The following RAP1GAP2 variants were observed in gnomAD, a reference collection of about 807,000 sequenced individuals.
RAP1GAP2 encodes rap1 GTPase-activating protein 2.
A neutral mutation model predicts 95.0 loss-of-function variants in RAP1GAP2; 27 were observed. The observed-to-expected ratio is 0.28, with a 90% CI of 0.21 to 0.39. RAP1GAP2 has a LOEUF of 0.39. Ranked by LOEUF, RAP1GAP2 falls within the 10% of genes least tolerant of loss-of-function variation. RAP1GAP2 has a pLI of 1.00. For synonymous variants in RAP1GAP2, 373 were observed against 380.9 expected, an observed-to-expected ratio of 0.98 and a Z score of 0.24; for missense variants, 771 against 970.0, an observed-to-expected ratio of 0.79 and a Z score of 2.72.
intron 3 of RAP1GAP2, among the ~76,000 whole-genome samples, chr17:2,934,420 C>G (rs1249890075): frequency 6.6e-6 from 1 of 152,252 alleles, no homozygotes; most frequent in Admixed American, 6.5e-5. Context: ...GCGTGAGCCA[C>G]CGCACCCGGC....
Position 2,995,005 on chromosome 17 carries a change from G to C in RAP1GAP2, c.915-332G>C. Among the ~76,000 whole-genome samples the C allele has an allele frequency of 1.3e-5, 2 of 152,186 alleles. 1 individual carries two copies. The highest frequency in any genetic ancestry group is 3.9e-4 in the East Asian group (2 of 5,190). ...ACTTTTGTATTTTTAGTAGAGACGG[G>C]GGTTTCACCATGTTGGCCAGGCTGG... is the stretch of plus-strand genomic sequence containing the variant. On this transcript the variant is annotated intron_variant, in intron 12 of 24. Coordinates refer to ENST00000254695, the MANE Select transcript of RAP1GAP2 (RefSeq NM_015085.5).
Position 2,867,816 on chromosome 17 carries a change from A to G in RAP1GAP2, c.81-37468A>G, listed in dbSNP as rs1265953450. Among the ~76,000 whole-genome samples, 1 of 152,104 alleles carries G rather than the reference A, an allele frequency of 6.6e-6. No individual in the cohort carries two copies. Among genetic ancestry groups the G allele is most frequent in the Non-Finnish European group, 1.5e-5 (1 of 68,020 alleles). ...TGGCTTAGTTGATGCTGATCTTGGC[A>G]CGGTCTTGTCAACTTGGCTGGTGGC... On this transcript the variant is annotated intron_variant, in intron 2 of 24. Transcript: ENST00000254695. The surrounding 1 kb of genome is among the most constrained non-coding windows in gnomAD (Gnocchi z 4.5).
rs373057122 is a variant in RAP1GAP2 at position 2,788,049 on chromosome 17, T to C, written c.-14+10771T>C. ...TGAATTTGCTATTATAATGATATGA[T>C]TAACATCTGTATACATAGATCTTGT... is the stretch of plus-strand genomic sequence containing the variant. On this transcript the variant is annotated intron_variant, in intron 1 of 24. Coordinates refer to the RAP1GAP2 transcript ENST00000540393. Among the ~76,000 whole-genome samples, 6 of 152,224 alleles carry C rather than the reference T, an allele frequency of 3.9e-5. No homozygotes were observed. The East Asian group carries it at 7.7e-4, about 20-fold the overall frequency.
intron 2 of RAP1GAP2, among the ~76,000 whole-genome samples, chr17:2,814,919 TGAG>T (rs1221516007): frequency 6.6e-6 from 1 of 152,004 alleles, no homozygotes; most frequent in African/African-American, 2.4e-5. Flanking sequence ...CCCGTGGAAT[TGAG>T]GAGCTTTGTT....
chr17:2,954,839 G>A (rs1208716837), intron 3 of RAP1GAP2, among the ~76,000 whole-genome samples: 2 of 152,012 alleles, frequency 1.3e-5, no homozygotes, highest in Admixed American at 6.6e-5. Context: ...TGATCCGCCT[G>A]CCTCAGCCTC....
rs146451679 is a variant in RAP1GAP2, at chr17:2,962,802, GGTCTTCT to G, written c.246+93_246+99del. On this transcript the variant is annotated intron_variant, in intron 5 of 24. Transcript: ENST00000254695. ...GCAGGAGGGGCTGCCGGGATGCTGG[GGTCTTCT>G]GTCTCACACCTGTCTAACTCTGACT... 2.7e-5 allele frequency: 34 copies of G among 1,279,382 alleles called. No individual in the cohort carries two copies. The African/African-American group carries it at 5.4e-4, about 20-fold the overall frequency. The allele number at this position is 1,279,382 out of a possible 1,614,324, so 79.3% of individuals were successfully genotyped here. A position where few individuals can be genotyped will look rare whatever the true frequency, so the allele number is the denominator to read the frequency against.
intron 3 of RAP1GAP2, among the ~76,000 whole-genome samples, chr17:2,944,200 A>T (rs1355272078): frequency 6.6e-6 from 1 of 151,918 alleles, no homozygotes; most frequent in African/African-American, 2.4e-5. Flanking sequence ...CACAAAAGAT[A>T]ACAAGCATTG....
intron 2 of RAP1GAP2, among the ~76,000 whole-genome samples, chr17:2,893,806 T>A (rs2073799097): frequency 6.6e-6 from 1 of 152,132 alleles, no homozygotes; most frequent in Non-Finnish European, 1.5e-5. Flanking sequence ...CGGAGTGCGT[T>A]TGAAGGGCTG....
chr17:2,912,249 T>C (rs1228100111), intron 3 of RAP1GAP2, among the ~76,000 whole-genome samples: 1 of 152,134 alleles, frequency 6.6e-6, no homozygotes, highest in Non-Finnish European at 1.5e-5. Context: ...GGGCCTCCCT[T>C]TCTGGCTCAT....
In RAP1GAP2 at chr17:2,866,621, G is replaced by A. The variant is rs1295356589; in HGVS notation, c.81-38663G>A. On this transcript the variant is annotated intron_variant, in intron 2 of 24. Coordinates refer to ENST00000254695, the MANE Select transcript of RAP1GAP2 (RefSeq NM_015085.5). The surrounding 1 kb of genome is among the most constrained non-coding windows in gnomAD (Gnocchi z 4.0). ...TTTATTTTATTTTATTATTTTTTGA[G>A]GCAGCATCTCCCTCTGTCGCCAGGC... 1.3e-5 allele frequency among the ~76,000 whole-genome samples: 2 copies of A among 151,988 alleles called. No individual in the cohort carries two copies. The highest frequency in any genetic ancestry group is 2.4e-5 in the African/African-American group (1 of 41,382).
At chr17:2,849,102 C>A (rs948277310) in intron 2 of RAP1GAP2, among the ~76,000 whole-genome samples, 1 of 152,178 alleles carries the variant, frequency 6.6e-6, no homozygotes, top group African/African-American at 2.4e-5. Context: ...CAGAAGAGAG[C>A]GGGGGTGCTG....
intron 10 of RAP1GAP2, among the ~76,000 whole-genome samples, chr17:2,983,878 C>G (rs2045462666): frequency 6.6e-6 from 1 of 152,208 alleles, no homozygotes; most frequent in Non-Finnish European, 1.5e-5. Flanking sequence ...TGGTTCAGCT[C>G]TGATATTTCT....
chr17:2,957,249 G>A (rs966389011), intron 3 of RAP1GAP2, among the ~76,000 whole-genome samples: 5 of 152,122 alleles, frequency 3.3e-5, no homozygotes, highest in Non-Finnish European at 5.9e-5. Context: ...GCAGGGGACC[G>A]GGCAGGCAGA....
Position 2,820,891 on chromosome 17 carries a change from G to GTTTTTTTTTTTTTTTTTTTTTTTTTTTT in RAP1GAP2, c.80+20341_80+20342insTTTTTTTTTTTTTTTTTTTTTTTTTTTT, listed in dbSNP as rs1475267891. 3.6e-4 allele frequency among the ~76,000 whole-genome samples: 41 copies of GTTTTTTTTTTTTTTTTTTTTTTTTTTTT among 113,998 alleles called. 4 individuals carry two copies. The highest frequency in any genetic ancestry group is 1.0e-3 in the Admixed American group (10 of 9,798). 74.8% of individuals were successfully genotyped at this position (113,998 alleles called of 152,430 possible). Reference sequence around the variant, plus strand: ...TGCCCGCCACCACGGCCCGGATAATGGTTTTTTTTTTTTTTTTTGTATTTT... The same window carrying GTTTTTTTTTTTTTTTTTTTTTTTTTTTT: ...TGCCCGCCACCACGGCCCGGATAATGTTTTTTTTTTTTTTTTTTTTTTTTTTTTGTTTTTTTTTTTTTTTTTGTATTTT... On this transcript the variant is annotated intron_variant, in intron 2 of 24. Transcript: ENST00000254695.
At chr17:2,986,947 G>A (rs1015576093) in intron 11 of RAP1GAP2, among the ~76,000 whole-genome samples, 7 of 152,180 alleles carry the variant, frequency 4.6e-5, no homozygotes, top group South Asian at 2.1e-4. Context: ...GAGTTGTGAC[G>A]CCTTCATGGC....
chr17:2,885,435 A>C (rs986404916), intron 2 of RAP1GAP2, among the ~76,000 whole-genome samples: 1 of 152,206 alleles, frequency 6.6e-6, no homozygotes, highest in Non-Finnish European at 1.5e-5. Flanking sequence ...CATCCAGCAC[A>C]TAGTCCCTGC....
Position 2,796,811 on chromosome 17 carries a change from G to T in RAP1GAP2, c.44+240G>T, listed in dbSNP as rs178566. 0.25 allele frequency among the ~76,000 whole-genome samples: 37,807 copies of T among 151,962 alleles called. 5,455 individuals are homozygous for T. Among genetic ancestry groups the T allele is most frequent in the Non-Finnish European group, 0.33 (22,155 of 67,908 alleles). On this transcript the variant is annotated intron_variant, in intron 1 of 24. Transcript: ENST00000254695. This position sits in a 1 kb window ranked among gnomAD's most constrained non-coding sequence, Gnocchi z 4.7. ...TCCTGGAGGTCTGCGCCGGCTGCCCGTGGGGAGGTGGATAGCATGAGTGTG... is the reference window on the plus strand; with the variant it reads ...TCCTGGAGGTCTGCGCCGGCTGCCCTTGGGGAGGTGGATAGCATGAGTGTG...
In RAP1GAP2 at chr17:2,866,686, G is replaced by A. The variant is rs185684426; in HGVS notation, c.81-38598G>A. On this transcript the variant is annotated intron_variant, in intron 2 of 24. Coordinates refer to ENST00000254695, the MANE Select transcript of RAP1GAP2 (RefSeq NM_015085.5). This position sits in a 1 kb window ranked among gnomAD's most constrained non-coding sequence, Gnocchi z 4.0. ...GCGATCTCGGCTCACTGCAGCCTCC[G>A]CCTCCCGGGTTCAAGCGATTCTCCT... Among the ~76,000 whole-genome samples, 98 of 146,180 alleles carry A rather than the reference G, an allele frequency of 6.7e-4. 1 individual carries two copies. Among genetic ancestry groups the A allele is most frequent in the African/African-American group, 2.3e-3 (89 of 39,340 alleles).
chr17:3,026,542 G>A (rs1227007001), intron 21 of RAP1GAP2, 78 bp downstream of exon 21: 1 of 1,159,424 alleles, frequency 8.6e-7, no homozygotes, highest in African/African-American at 1.6e-5. Context: ...AAACGGCACT[G>A]TGGATCGAAG....
Sources: allele counts gnomAD v4.1 joint callset (sites outside exome capture counted in the v4.1 genomes callset), GRCh38; gene constraint gnomAD v4.1.1; non-coding constraint Gnocchi (gnomAD v3.1); transcripts MANE v1.5; gene names NCBI Gene and HGNC (gene_info 2026-07-23, HGNC 2026-07-21).